BACH2: variants seen among roughly 807,000 people sequenced by gnomAD.
The protein encoded by BACH2 is BACH transcriptional regulator 2, also known as transcription regulator protein BACH2.
Under a neutral mutation model 61.8 loss-of-function variants are expected in BACH2, and 5 were observed. The observed-to-expected ratio is 0.08, with a 90% CI of 0.04 to 0.17. The LOEUF (loss-of-function observed/expected upper bound fraction) is 0.17. Among genes scored for constraint, BACH2 ranks in the 10% least tolerant of loss-of-function variants. The probability of loss-of-function intolerance (pLI) is 1.00; values close to 1 mark genes in which losing one functional copy is unlikely to be tolerated. For synonymous variants in BACH2, 446 were observed against 440.1 expected (o/e 1.01, Z -0.17); for missense variants, 824 against 1,091.1 (o/e 0.76, Z 3.45).
chr6:89,989,246 C>T (rs912503328), intron 6 of BACH2, among the ~76,000 whole-genome samples: 1 of 152,168 alleles, frequency 6.6e-6, no homozygotes, highest in African/African-American at 2.4e-5. Context: ...AACAAATCTC[C>T]AGAACCTTTT....
intron 3 of BACH2, among the ~76,000 whole-genome samples, chr6:90,239,719 A>G (rs961839755): frequency 6.6e-6 from 1 of 151,034 alleles, no homozygotes; most frequent in Non-Finnish European, 1.5e-5. Context: ...CTCTGAAGGG[A>G]TCAAAGGTCA....
chr6:90,274,620 C>T (rs777343131), intron 1 of BACH2, among the ~76,000 whole-genome samples: 2 of 152,186 alleles, frequency 1.3e-5, no homozygotes, highest in Non-Finnish European at 2.9e-5. Flanking sequence ...AGACAACCCC[C>T]ACACACTTTC....
intron 7 of BACH2, among the ~76,000 whole-genome samples, chr6:89,948,583 G>GT (rs1409538750): frequency 6.6e-6 from 1 of 152,170 alleles, no homozygotes; most frequent in Non-Finnish European, 1.5e-5. Context: ...CCAGTCCTTG[G>GT]TAGGAAGCCA....
At chr6:90,153,511 T>C (rs1177565395) in intron 4 of BACH2, among the ~76,000 whole-genome samples, 1 of 152,170 alleles carries the variant, frequency 6.6e-6, no homozygotes, top group Non-Finnish European at 1.5e-5. Context: ...AAACAAATAA[T>C]CTATATATAA....
chr6:89,968,497 A>G (rs1012817877), intron 6 of BACH2, among the ~76,000 whole-genome samples: 3 of 152,256 alleles, frequency 2.0e-5, no homozygotes, highest in Non-Finnish European at 4.4e-5. Flanking sequence ...AGAATTAACA[A>G]AAGTCCACGT....
At chr6:89,977,718 T>C (rs1410663913) in intron 6 of BACH2, among the ~76,000 whole-genome samples, 1 of 152,228 alleles carries the variant, frequency 6.6e-6, no homozygotes, top group Non-Finnish European at 1.5e-5. Context: ...CGAGATTATA[T>C]TACAATTTAT....
intron 4 of BACH2, among the ~76,000 whole-genome samples, chr6:90,112,797 G>A (rs1439714227): frequency 1.3e-5 from 2 of 152,076 alleles, no homozygotes; most frequent in African/African-American, 2.4e-5. Flanking sequence ...CACTTAAAAG[G>A]CACAGAGTGG....
intron 5 of BACH2, among the ~76,000 whole-genome samples, chr6:90,079,427 A>G (rs548079971): frequency 1.3e-5 from 2 of 152,336 alleles, no homozygotes; most frequent in East Asian, 3.9e-4. Context: ...CATTTCAAAT[A>G]AGGCAATTCC....
chr6:90,083,829 T>G (rs1305862602), intron 5 of BACH2, among the ~76,000 whole-genome samples: 1 of 152,218 alleles, frequency 6.6e-6, no homozygotes, highest in East Asian at 1.9e-4. Context: ...CTCAGTTAAT[T>G]AGACTATTTG....
chr6:90,186,300 A>G (rs540478437), intron 4 of BACH2, among the ~76,000 whole-genome samples: 181 of 152,316 alleles, frequency 1.2e-3, no homozygotes, highest in African/African-American at 4.2e-3. Flanking sequence ...CCACTCTTAC[A>G]ACACTAGAGT....
chr6:90,260,135 G>A (rs1213421699), intron 2 of BACH2, among the ~76,000 whole-genome samples: 1 of 151,994 alleles, frequency 6.6e-6, no homozygotes, highest in African/African-American at 2.4e-5. Context: ...GAGGTGTAAT[G>A]TCACACTATT....
chr6:90,090,762 G>A (rs115404003), intron 4 of BACH2, among the ~76,000 whole-genome samples: 1,786 of 152,188 alleles, frequency 0.012, 37 homozygotes, highest in African/African-American at 0.041. Context: ...CCATAATATC[G>A]TGAGAAGAAA....
chr6:90,172,538 G>A (rs529006283), intron 4 of BACH2, among the ~76,000 whole-genome samples: 237 of 151,852 alleles, frequency 1.6e-3, no homozygotes, highest in Non-Finnish European at 3.0e-3. Flanking sequence ...GACAAAGCCT[G>A]GTAAAACTGT....
At chr6:90,175,651 G>C (rs1459467182) in intron 4 of BACH2, among the ~76,000 whole-genome samples, 1 of 152,088 alleles carries the variant, frequency 6.6e-6, no homozygotes, top group Non-Finnish European at 1.5e-5. Flanking sequence ...GGTTGACTAA[G>C]AATAGAAGGT....
intron 4 of BACH2, among the ~76,000 whole-genome samples, chr6:90,133,263 C>T (rs1006761147): frequency 6.6e-6 from 1 of 152,046 alleles, no homozygotes; most frequent in Non-Finnish European, 1.5e-5. Context: ...TAAGGAGAAA[C>T]CAGGAAGGAA....
chr6:90,139,588 CT>C (rs1234233567), intron 4 of BACH2, among the ~76,000 whole-genome samples: 1 of 152,032 alleles, frequency 6.6e-6, no homozygotes, highest in African/African-American at 2.4e-5. Context: ...ATCTCCCTCC[CT>C]TTTTTTTCTG....
intron 1 of BACH2, among the ~76,000 whole-genome samples, chr6:90,296,246 C>G (rs570969085): frequency 6.6e-6 from 1 of 152,070 alleles, no homozygotes; most frequent in South Asian, 2.1e-4. Context: ...AGGGAGAGCA[C>G]ACATTCGGCG....
chr6:90,088,029 AC>A (rs1234445097), intron 5 of BACH2, among the ~76,000 whole-genome samples: 1 of 150,294 alleles, frequency 6.7e-6, no homozygotes, highest in African/African-American at 2.5e-5. Flanking sequence ...CCTGCCCCCA[AC>A]CCCCACTACC....
intron 6 of BACH2, among the ~76,000 whole-genome samples, chr6:89,987,879 T>G (rs1482507042): frequency 6.6e-6 from 1 of 152,186 alleles, no homozygotes; most frequent in Non-Finnish European, 1.5e-5. Flanking sequence ...GTTCTTAGTA[T>G]TCCCTCAGCA....
Sources: gnomAD v4.1 joint callset for allele counts (sites outside exome capture counted in the v4.1 genomes callset) on GRCh38, gnomAD v4.1.1 for gene constraint, MANE v1.5 for transcripts, NCBI Gene and HGNC (gene_info 2026-07-23, HGNC 2026-07-21) for gene names.